The following KCNC1 variants were observed in gnomAD, a reference collection of about 807,000 sequenced individuals.
KCNC1 encodes the protein potassium voltage-gated channel subfamily C member 1.
KCNC1 carries 8 observed loss-of-function variants against 43.4 expected under a neutral mutation model. The ratio of observed to expected loss-of-function variants is 0.18; its 90% CI spans 0.11 to 0.33. The LOEUF is 0.33. Among genes scored for constraint, KCNC1 ranks in the 10% least tolerant of loss-of-function variants. The pLI is 1.00. For synonymous variants in KCNC1, 361 were observed against 360.5 expected (o/e 1.00, Z -0.01); for missense variants, 420 against 836.0 (o/e 0.50, Z 6.14).
At chr11:17,747,698 C>A (rs1471136592) in intron 1 of KCNC1, among the ~76,000 whole-genome samples, 1 of 152,206 alleles carries the variant, frequency 6.6e-6, no homozygotes, top group Admixed American at 6.5e-5. Context: ...GGCTCAGGAA[C>A]CAGCCTCGCT....
chr11:17,743,816 T>G (rs1466793051), intron 1 of KCNC1, among the ~76,000 whole-genome samples: 2 of 152,214 alleles, frequency 1.3e-5, no homozygotes, highest in Non-Finnish European at 2.9e-5. Context: ...CCCTGCTTTT[T>G]GCTGAACGTG....
At chr11:17,744,843 G>C (rs560299161) in intron 1 of KCNC1, among the ~76,000 whole-genome samples, 55 of 152,146 alleles carry the variant, frequency 3.6e-4, no homozygotes, top group African/African-American at 1.3e-3. Context: ...AGAATTACCT[G>C]GGATGCTTAA....
At chr11:17,756,886 A>G (rs78657089) in intron 1 of KCNC1, among the ~76,000 whole-genome samples, 8 of 152,342 alleles carry the variant, frequency 5.3e-5, no homozygotes, top group African/African-American at 1.2e-4. Context: ...AGAAAGATTT[A>G]TAAGTGGAAG....
chr11:17,749,317 A>C (rs1848938668), intron 1 of KCNC1, among the ~76,000 whole-genome samples: 1 of 152,242 alleles, frequency 6.6e-6, no homozygotes, highest in Admixed American at 6.5e-5. Context: ...CTTGCAGATA[A>C]GGCATCTTTG....
intron 2 of KCNC1, chr11:17,775,756 G>C (rs527302293): frequency 1.0e-6 from 1 of 985,862 alleles, no homozygotes; most frequent in African/African-American, 1.7e-5. Flanking sequence ...ACGTCAGTGA[G>C]CAGTGGGTGG....
intron 1 of KCNC1, among the ~76,000 whole-genome samples, chr11:17,769,047 G>T (rs878977298): frequency 1.3e-5 from 2 of 152,242 alleles, no homozygotes; most frequent in Admixed American, 1.3e-4. Context: ...CTCCAGGTCT[G>T]GTCTTTCTGG....
intron 1 of KCNC1, among the ~76,000 whole-genome samples, chr11:17,762,968 G>A (rs1291027416): frequency 1.3e-5 from 2 of 152,182 alleles, no homozygotes; most frequent in Non-Finnish European, 2.9e-5. Flanking sequence ...ACCATTCCGG[G>A]ATGTGTGCAT....
rs1213387649 is a variant in KCNC1 at position 17,781,704 on chromosome 11, T to C, written c.1728T>C (p.Tyr576=). The C allele has an allele frequency of 2.6e-6, 4 of 1,551,462 alleles. No homozygotes were observed. Among genetic ancestry groups the C allele is most frequent in the East Asian group, 4.9e-5 (2 of 40,938 alleles). Residue 576 remains tyrosine, a synonymous_variant, in exon 4 of 4, where the codon TAT becomes TAC. Transcript: ENST00000265969. This position sits in a 1 kb window ranked among gnomAD's most constrained non-coding sequence, Gnocchi z 5.1. ...LCKESPVIAK[Y]MPTEAVRVT ...AAGAAAGCCCTGTCATTGCTAAGTA[T>C]ATGCCGACAGAGGCTGTGAGAGTGA...
In KCNC1 at chr11:17,783,057, A is replaced by C. The variant is rs1849364749; in HGVS notation, c.*1323A>C. On this transcript the variant is annotated 3_prime_UTR_variant, in exon 4 of 4. Transcript: ENST00000265969. ...AATAAAAAACTGACTTTTGAGATGA[A>C]GCATGAATTTGGGTTTTTATTGCCT... is the stretch of plus-strand genomic sequence containing the variant. The C allele has an allele frequency of 2.6e-5, 4 of 152,184 alleles. No homozygotes were observed. Among genetic ancestry groups the C allele is most frequent in the Non-Finnish European group, 2.9e-5 (2 of 68,058 alleles). The allele number at this position is 152,184 out of a possible 1,614,324, so 9.4% of individuals were successfully genotyped here.
At position 17,779,758 on chromosome 11, in the gene KCNC1, G is replaced by T; in HGVS notation, c.1693+114G>T. ...GAGGGGCAGGCAGGCACACCGAGGG[G>T]GGCAAGGATGGAGGGAATCTCCCAG... On this transcript the variant is annotated intron_variant, in intron 3 of 3. Coordinates refer to ENST00000265969, the MANE Select transcript of KCNC1 (RefSeq NM_001112741.2). The surrounding 1 kb of genome is among the most constrained non-coding windows in gnomAD (Gnocchi z 7.2). The T allele has an allele frequency of 1.2e-6, 1 of 829,956 alleles. No individual in the cohort carries two copies. Among genetic ancestry groups the T allele is most frequent in the Non-Finnish European group, 1.7e-6 (1 of 573,650 alleles). The allele number at this position is 829,956 out of a possible 1,614,324, so 51.4% of individuals were successfully genotyped here.
chr11:17,752,553 T>A (rs1848980978), intron 1 of KCNC1, among the ~76,000 whole-genome samples: 1 of 152,248 alleles, frequency 6.6e-6, no homozygotes, highest in Non-Finnish European at 1.5e-5. Flanking sequence ...CACACATGAA[T>A]GCATACTTGC....
chr11:17,771,767 G>A lies in KCNC1; in HGVS notation c.673G>A (p.Glu225Lys), dbSNP rs762606123. ...CCCCATCGTGAACAAGACGGAGATC[G>A]AGAACGTTCGCAATGGCACGCAAGT... is the stretch of plus-strand genomic sequence containing the variant. ...FNPIVNKTEI[E>K]NVRNGTQVRY... The change falls in exon 2 of 4, where the codon GAG (glutamate) becomes AAG (lysine). Residue 225 changes from glutamate (E) to lysine (K), a missense_variant. Transcript: ENST00000265969. This position sits in a 1 kb window ranked among gnomAD's most constrained non-coding sequence, Gnocchi z 4.7. 3.1e-6 allele frequency: 5 copies of A among 1,614,126 alleles called. No homozygotes were observed. Among genetic ancestry groups the A allele is most frequent in the Non-Finnish European group, 4.2e-6 (5 of 1,180,042 alleles).
rs1848812512 is a variant in KCNC1 at position 17,739,487 on chromosome 11, CTG to C, written c.570+2918_570+2919del. The stretch of plus-strand genomic sequence containing the variant: ...AGGCGGATTCTGTGTTTTGGATGGA[CTG>C]TGCGTGTGTGAGAATGAGACTGTGT... On this transcript the variant is annotated intron_variant, in intron 1 of 3. Coordinates refer to ENST00000265969, the MANE Select transcript of KCNC1 (RefSeq NM_001112741.2). The surrounding 1 kb of genome is among the most constrained non-coding windows in gnomAD (Gnocchi z 4.2). 6.7e-6 allele frequency among the ~76,000 whole-genome samples: 1 copy of C among 150,034 alleles called. No individual in the cohort carries two copies. Among genetic ancestry groups the C allele is most frequent in the Non-Finnish European group, 1.5e-5 (1 of 67,754 alleles).
At chr11:17,747,923 C>T (rs1439017398) in intron 1 of KCNC1, among the ~76,000 whole-genome samples, 2 of 152,216 alleles carry the variant, frequency 1.3e-5, no homozygotes, top group African/African-American at 4.8e-5. Context: ...AACTCCTCTC[C>T]CCACACTCCC....
chr11:17,747,663 G>A (rs1380194733), intron 1 of KCNC1, among the ~76,000 whole-genome samples: 1 of 152,174 alleles, frequency 6.6e-6, no homozygotes, highest in East Asian at 1.9e-4. Context: ...TAGCTGGGGC[G>A]GCCCCAGCCA....
Position 17,782,232 on chromosome 11 carries a change from C to T in KCNC1, c.*498C>T, listed in dbSNP as rs1392439822. 2 of 152,982 alleles carry T rather than the reference C, an allele frequency of 1.3e-5. No individual in the cohort carries two copies. Among genetic ancestry groups the T allele is most frequent in the African/African-American group, 4.8e-5 (2 of 41,462 alleles). 9.5% of individuals were successfully genotyped at this position (152,982 alleles called of 1,614,324 possible). A position where few individuals can be genotyped will look rare whatever the true frequency, so the allele number is the denominator to read the frequency against. On this transcript the variant is annotated 3_prime_UTR_variant, in exon 4 of 4. Transcript: ENST00000265969. The stretch of plus-strand genomic sequence containing the variant: ...AGGGACAGAGATGGGGAATGGATTG[C>T]TTCCTTTTTGTACACAAGATCAAGA...
intron 1 of KCNC1, among the ~76,000 whole-genome samples, chr11:17,763,274 C>G (rs186298303): frequency 1.3e-5 from 2 of 152,060 alleles, no homozygotes; most frequent in Admixed American, 6.5e-5. Context: ...GCTCAGCCCC[C>G]CACCCTGCCT....
chr11:17,735,314 CG>C lies in KCNC1; in HGVS notation c.-683del. The C allele has an allele frequency of 6.6e-6, 1 of 151,048 alleles. No homozygotes were observed. Among genetic ancestry groups the C allele is most frequent in the Non-Finnish European group, 1.5e-5 (1 of 67,432 alleles). 9.4% of individuals were successfully genotyped at this position (151,048 alleles called of 1,614,324 possible). A position where few individuals can be genotyped will look rare whatever the true frequency, so the allele number is the denominator to read the frequency against. On this transcript the variant is annotated 5_prime_UTR_variant, in exon 1 of 4. Transcript: ENST00000265969. This position sits in a 1 kb window ranked among gnomAD's most constrained non-coding sequence, Gnocchi z 6.7. ...GCGGGCGGGCAGGCGGGCCCGCCGC[CG>C]GGGGGAGCAGGCAGCCAAGCAAGGA...
Position 17,779,859 on chromosome 11 carries a change from C to A in KCNC1, c.1693+215C>A, listed in dbSNP as rs1208156317. 5 of 421,732 alleles carry A rather than the reference C, an allele frequency of 1.2e-5. No homozygotes were observed. Among genetic ancestry groups the A allele is most frequent in the Non-Finnish European group, 2.1e-5 (5 of 239,602 alleles). 26.1% of individuals were successfully genotyped at this position (421,732 alleles called of 1,614,324 possible). Reference sequence around the variant, plus strand: ...TGGCAGAGAGAACTTGAGGCCCTGGCAGCTGTGGGTTGCTGGGAGTTGAGA... The same window carrying A: ...TGGCAGAGAGAACTTGAGGCCCTGGAAGCTGTGGGTTGCTGGGAGTTGAGA... On this transcript the variant is annotated intron_variant, in intron 3 of 3. Coordinates refer to ENST00000265969, the MANE Select transcript of KCNC1 (RefSeq NM_001112741.2). This position sits in a 1 kb window ranked among gnomAD's most constrained non-coding sequence, Gnocchi z 7.2.
Sources: allele counts gnomAD v4.1 joint callset (sites outside exome capture counted in the v4.1 genomes callset), GRCh38; gene constraint gnomAD v4.1.1; non-coding constraint Gnocchi (gnomAD v3.1); transcripts MANE v1.5; gene names NCBI Gene and HGNC (gene_info 2026-07-23, HGNC 2026-07-21).